The following HMGA2 variants were observed in gnomAD, a reference collection of about 807,000 sequenced individuals.
HMGA2 encodes the protein high mobility group AT-hook 2, also known as high mobility group protein HMGI-C.
HMGA2 carries 8 observed loss-of-function variants against 19.1 expected under a neutral mutation model. The observed-to-expected ratio is 0.42, with a 90% CI of 0.25 to 0.76. The LOEUF is 0.76. Ranked by LOEUF, HMGA2 falls within the 30% of genes least tolerant of loss-of-function variation. The pLI, the probability that HMGA2 is intolerant of heterozygous loss-of-function variation, is 0.28. For missense variants in HMGA2, 109 were observed against 136.3 expected, an observed-to-expected ratio of 0.80 and a Z score of 1.00; for synonymous variants, 60 against 48.8, an observed-to-expected ratio of 1.23 and a Z score of -0.96.
At chr12:65,881,027 T>G (rs1873350440) in intron 3 of HMGA2, among the ~76,000 whole-genome samples, 1 of 152,172 alleles carries the variant, frequency 6.6e-6, no homozygotes, top group African/African-American at 2.4e-5. Flanking sequence ...GAAATGCCAG[T>G]GCAGCTTGTT....
In HMGA2 at chr12:65,915,818, A is replaced by G. The variant is rs79143299; in HGVS notation, c.250-35565A>G. Reference sequence around the variant, plus strand: ...ATTTTGCTTAAAATGTCCACATTCTATTAACAGATTCTTAGTAATAGCAAA... The same window carrying G: ...ATTTTGCTTAAAATGTCCACATTCTGTTAACAGATTCTTAGTAATAGCAAA... On this transcript the variant is annotated intron_variant, in intron 3 of 4. Transcript: ENST00000403681. 2.0e-3 allele frequency among the ~76,000 whole-genome samples: 311 copies of G among 152,294 alleles called. 2 individuals are homozygous for G. Among genetic ancestry groups the G allele is most frequent in the African/African-American group, 7.3e-3 (303 of 41,556 alleles).
intron 3 of HMGA2, among the ~76,000 whole-genome samples, chr12:65,940,880 C>T (rs2121291850): frequency 6.6e-6 from 1 of 152,228 alleles, no homozygotes; most frequent in Middle Eastern, 3.4e-3. Context: ...TTTTAAATCA[C>T]GTTACAAACT....
intron 3 of HMGA2, among the ~76,000 whole-genome samples, chr12:65,862,765 G>T: frequency 6.6e-6 from 1 of 152,146 alleles, no homozygotes. Flanking sequence ...GGAGCCATGG[G>T]TCACAGTAGC....
intron 3 of HMGA2, among the ~76,000 whole-genome samples, chr12:65,936,247 G>T (rs2121280972): frequency 6.6e-6 from 1 of 151,582 alleles, no homozygotes; most frequent in African/African-American, 2.4e-5. Context: ...GAATGTGGGG[G>T]GAGGATATCC....
intron 3 of HMGA2, among the ~76,000 whole-genome samples, chr12:65,936,457 T>G (rs760638893): frequency 6.6e-6 from 1 of 152,174 alleles, no homozygotes; most frequent in African/African-American, 2.4e-5. Flanking sequence ...CCTGTGCAGC[T>G]GAAACTAGAA....
At chr12:65,925,654 T>C (rs1875478877) in intron 3 of HMGA2, among the ~76,000 whole-genome samples, 1 of 152,210 alleles carries the variant, frequency 6.6e-6, no homozygotes. Flanking sequence ...TGGTTGTACA[T>C]GATCAGAGTT....
rs1483034392 is a variant in HMGA2 at position 65,824,570 on chromosome 12, T to G, written c.-701T>G. On this transcript the variant is annotated 5_prime_UTR_variant, in exon 1 of 5. Transcript: ENST00000403681. ...CCCTCCGACTCTCCGGTGCCGCCGCTGCCTGCTCCCGCCACCCTAGGAGGC... is the reference window on the plus strand; with the variant it reads ...CCCTCCGACTCTCCGGTGCCGCCGCGGCCTGCTCCCGCCACCCTAGGAGGC... 4.3e-6 allele frequency: 1 copy of G among 232,636 alleles called. No homozygotes were observed. Among genetic ancestry groups the G allele is most frequent in the African/African-American group, 2.2e-5 (1 of 45,234 alleles). The allele number at this position is 232,636 out of a possible 1,614,324, so 14.4% of individuals were successfully genotyped here. A position where few individuals can be genotyped will look rare whatever the true frequency, so the allele number is the denominator to read the frequency against.
At chr12:65,838,986 C>CTTTTTTTTTTTTTTTTT (rs1236837070) in intron 3 of HMGA2, among the ~76,000 whole-genome samples, 1 of 91,358 alleles carries the variant, frequency 1.1e-5, no homozygotes, top group Non-Finnish European at 1.9e-5. Context: ...CTTTTTCTTT[C>CTTTTTTTTTTTTTTTTT]TTTTTCTTTT....
rs1202513772 is a variant in HMGA2 at position 65,964,867 on chromosome 12, C to T, written c.*1575C>T. The T allele has an allele frequency of 1.0e-5, 2 of 193,242 alleles. No individual in the cohort carries two copies. Among genetic ancestry groups the T allele is most frequent in the Admixed American group, 1.2e-4 (2 of 16,342 alleles). The allele number at this position is 193,242 out of a possible 1,614,324, so 12.0% of individuals were successfully genotyped here. On this transcript the variant is annotated 3_prime_UTR_variant, in exon 5 of 5. Coordinates refer to ENST00000403681, the MANE Select transcript of HMGA2 (RefSeq NM_003483.6). ...TTTTCCTCAATCACACTACACATCA[C>T]ACAAGATTTGACTGTAATATTTAAA...
At chr12:65,859,217 G>C (rs1051427808) in intron 3 of HMGA2, 1 of 152,246 alleles carries the variant, frequency 6.6e-6, no homozygotes, top group Non-Finnish European at 1.5e-5. Flanking sequence ...TAGCCTCCAA[G>C]TAGTGTAACT....
At chr12:65,914,851 T>C (rs1473098463) in intron 3 of HMGA2, 1 of 498,054 alleles carries the variant, frequency 2.0e-6, no homozygotes, top group East Asian at 3.9e-5. Flanking sequence ...ATTTTTGTAT[T>C]TTTAGTAGAG....
At chr12:65,951,131 GT>G (rs1876443542) in intron 3 of HMGA2, among the ~76,000 whole-genome samples, 2 of 152,024 alleles carry the variant, frequency 1.3e-5, no homozygotes. Context: ...GTTTCACCAT[GT>G]TGCCCAGCCT....
chr12:65,960,842 A>G (rs1421258960), intron 4 of HMGA2, among the ~76,000 whole-genome samples: 1 of 152,244 alleles, frequency 6.6e-6, no homozygotes, highest in Non-Finnish European at 1.5e-5. Context: ...TAAGGAAACA[A>G]TATGACCTAC....
chr12:65,869,816 C>T (rs1872616255), intron 3 of HMGA2, among the ~76,000 whole-genome samples: 1 of 152,058 alleles, frequency 6.6e-6, no homozygotes, highest in African/African-American at 2.4e-5. Context: ...AAACAAGTCT[C>T]AGAAAATTAA....
intron 3 of HMGA2, among the ~76,000 whole-genome samples, chr12:65,920,685 C>G (rs542361342): frequency 1.3e-5 from 2 of 152,184 alleles, no homozygotes; most frequent in Non-Finnish European, 2.9e-5. Flanking sequence ...CTTGCCACTG[C>G]CATGTAAGAA....
chr12:65,866,882 G>C, intron 3 of HMGA2: 1 of 457,116 alleles, frequency 2.2e-6, no homozygotes, highest in Non-Finnish European at 4.4e-6. Context: ...TCTTTCTGCT[G>C]CTGTTTTCCT....
chr12:65,905,966 AGTCAT>A (rs781255928), intron 3 of HMGA2, among the ~76,000 whole-genome samples: 37,507 of 152,148 alleles, frequency 0.25, 6,027 homozygotes, highest in African/African-American at 0.45. Context: ...TTGTTTCCCA[AGTCAT>A]TAAATATTCT....
At chr12:65,871,850 T>A (rs1346500401) in intron 3 of HMGA2, among the ~76,000 whole-genome samples, 1 of 152,226 alleles carries the variant, frequency 6.6e-6, no homozygotes, top group Admixed American at 6.5e-5. Flanking sequence ...AGCAGAATAA[T>A]CTTTGATTAC....
chr12:65,920,748 G>GT (rs1367990956), intron 3 of HMGA2, among the ~76,000 whole-genome samples: 1 of 152,222 alleles, frequency 6.6e-6, no homozygotes, highest in African/African-American at 2.4e-5. Context: ...ATGTGGAACT[G>GT]TAAGTCCAAT....
Sources: gnomAD v4.1 joint callset for allele counts (sites outside exome capture counted in the v4.1 genomes callset) on GRCh38, gnomAD v4.1.1 for gene constraint, MANE v1.5 for transcripts, NCBI Gene and HGNC (gene_info 2026-07-23, HGNC 2026-07-21) for gene names.